CREG2: variants seen among roughly 807,000 people sequenced by gnomAD.
The protein encoded by CREG2 is protein CREG2.
In CREG2, 24 loss-of-function variants were observed where a neutral mutation model predicts 26.2. The observed-to-expected ratio is 0.92, with a 90% CI of 0.66 to 1.29. The LOEUF (loss-of-function observed/expected upper bound fraction) is 1.29. Among genes scored for constraint, CREG2 ranks in the 50% most tolerant of loss-of-function variants. The pLI, the probability that CREG2 is intolerant of heterozygous loss-of-function variation, is 0.00. For missense variants in CREG2, 366 were observed against 398.6 expected (o/e 0.92, Z 0.70); for synonymous variants, 174 against 169.2 (o/e 1.03, Z -0.22).
At chr2:101,354,256 CAATAAAAAATAAA>C (rs1684421419) in intron 3 of CREG2, among the ~76,000 whole-genome samples, 2 of 151,892 alleles carry the variant, frequency 1.3e-5, no homozygotes, top group African/African-American at 4.8e-5. Flanking sequence ...TAAAAGCTAG[CAATAAAAAATAAA>C]AATAAAAAAT....
intron 2 of CREG2, among the ~76,000 whole-genome samples, chr2:101,379,984 T>TATC (rs1684847082): frequency 1.4e-5 from 2 of 147,824 alleles, no homozygotes; most frequent in Non-Finnish European, 2.9e-5. Context: ...TCTATCTATC[T>TATC]ATCTATCTAT....
At chr2:101,351,240 A>AG (rs1308594477) in intron 3 of CREG2, among the ~76,000 whole-genome samples, 170 bp from the exon 4 acceptor site, 1 of 152,208 alleles carries the variant, frequency 6.6e-6, no homozygotes, top group Non-Finnish European at 1.5e-5. Flanking sequence ...CACCGTAGGA[A>AG]GCCAGGGACT....
chr2:101,355,546 C>T (rs1418333320), intron 2 of CREG2, among the ~76,000 whole-genome samples, 180 bp from the exon 3 acceptor site: 1 of 152,078 alleles, frequency 6.6e-6, no homozygotes, highest in African/African-American at 2.4e-5. Context: ...AATACTCAGG[C>T]CTTGCAATAG....
chr2:101,365,964 G>A (rs561455486), intron 2 of CREG2, among the ~76,000 whole-genome samples: 7 of 152,272 alleles, frequency 4.6e-5, no homozygotes, highest in Admixed American at 3.3e-4. Flanking sequence ...CAACCATTGT[G>A]AAATTAGATA....
intron 2 of CREG2, among the ~76,000 whole-genome samples, chr2:101,381,276 G>A (rs9308846): frequency 0.44 from 67,501 of 152,026 alleles, 15,528 homozygotes; most frequent in East Asian, 0.53. Flanking sequence ...CAGATACCTC[G>A]CTATATTCCA....
intron 2 of CREG2, among the ~76,000 whole-genome samples, chr2:101,364,047 G>A (rs1684585025): frequency 6.6e-6 from 1 of 152,208 alleles, no homozygotes; most frequent in South Asian, 2.1e-4. Flanking sequence ...ACCGGGTTGA[G>A]GGGCTCTATC....
chr2:101,370,900 G>C (rs1021572740), intron 2 of CREG2, among the ~76,000 whole-genome samples: 3 of 152,158 alleles, frequency 2.0e-5, no homozygotes, highest in Non-Finnish European at 4.4e-5. Flanking sequence ...GATCCTCTGG[G>C]ACTGAAACGG....
chr2:101,362,693 T>C (rs556743048), intron 2 of CREG2, among the ~76,000 whole-genome samples: 2 of 152,318 alleles, frequency 1.3e-5, no homozygotes, highest in East Asian at 3.9e-4. Flanking sequence ...CTGAAGGACA[T>C]GGGCTGTGCT....
intron 2 of CREG2, among the ~76,000 whole-genome samples, chr2:101,359,818 C>T (rs1684514642): frequency 6.6e-6 from 1 of 152,260 alleles, no homozygotes; most frequent in Admixed American, 6.5e-5. Context: ...CAGCATTATG[C>T]ATCAACCAGA....
At chr2:101,355,588 A>T (rs1220174576) in intron 2 of CREG2, among the ~76,000 whole-genome samples, 2 of 152,040 alleles carry the variant, frequency 1.3e-5, no homozygotes, top group African/African-American at 4.8e-5. Flanking sequence ...ATCAGTCTGC[A>T]TTCTGGGGCA....
At chr2:101,385,181 G>T (rs999800002) in intron 1 of CREG2, among the ~76,000 whole-genome samples, 1 of 152,018 alleles carries the variant, frequency 6.6e-6, no homozygotes, top group East Asian at 1.9e-4. Flanking sequence ...TATTTTATTA[G>T]TATTATTATT....
chr2:101,354,311 C>T (rs1684423065), intron 3 of CREG2, among the ~76,000 whole-genome samples: 1 of 152,158 alleles, frequency 6.6e-6, no homozygotes, highest in South Asian at 2.1e-4. Context: ...CACACGCACA[C>T]TGACATCTGT....
rs13404275 is a variant in CREG2, at chr2:101,379,395, T to C, written c.611+4138A>G. On this transcript the variant is annotated intron_variant, in intron 2 of 3. Coordinates refer to ENST00000324768, the MANE Select transcript of CREG2 (RefSeq NM_153836.4). ...CATTCCTTTCATCATTCTCAAGATA[T>C]TGGCTTCTCACGGCTGTGGTTAAGG... 1.7e-3 allele frequency among the ~76,000 whole-genome samples: 258 copies of C among 152,318 alleles called. 1 individual carries two copies. Among genetic ancestry groups the C allele is most frequent in the African/African-American group, 6.0e-3 (248 of 41,570 alleles).
intron 3 of CREG2, 124 bp from the exon 4 acceptor site, chr2:101,351,194 G>T: frequency 1.1e-6 from 1 of 900,258 alleles, no homozygotes; most frequent in Non-Finnish European, 1.6e-6. Flanking sequence ...ATCAGCCAGA[G>T]GCAGAACCAG....
At chr2:101,386,917 C>A (rs1460608927) in intron 1 of CREG2, 100 bp downstream of exon 1, 4 of 1,164,274 alleles carry the variant, frequency 3.4e-6, no homozygotes, top group Non-Finnish European at 1.1e-6. Context: ...TCTGGTGGAC[C>A]CGGATCTCAG....
chr2:101,378,066 G>C (rs1684817656), intron 2 of CREG2, among the ~76,000 whole-genome samples: 1 of 152,160 alleles, frequency 6.6e-6, no homozygotes, highest in Non-Finnish European at 1.5e-5. Context: ...TAGATCCCCA[G>C]AACGTGTTTG....
rs1684326331 is a variant in CREG2, at chr2:101,347,722, C to G, written c.*3201G>C. The G allele has an allele frequency of 6.6e-6, 1 of 152,076 alleles. No homozygotes were observed. Among genetic ancestry groups the G allele is most frequent in the South Asian group, 2.1e-4 (1 of 4,836 alleles). 9.4% of individuals were successfully genotyped at this position (152,076 alleles called of 1,614,324 possible). A position where few individuals can be genotyped will look rare whatever the true frequency, so the allele number is the denominator to read the frequency against. On this transcript the variant is annotated 3_prime_UTR_variant, in exon 4 of 4. Coordinates refer to ENST00000324768, the MANE Select transcript of CREG2 (RefSeq NM_153836.4). ...TTCTTTATATATTCTAGATACTAAT[C>G]TTTTGTTGGATATGTGGTTTGGAAA...
At chr2:101,361,817 G>T (rs773866869) in intron 2 of CREG2, among the ~76,000 whole-genome samples, 3 of 152,132 alleles carry the variant, frequency 2.0e-5, no homozygotes, top group Non-Finnish European at 4.4e-5. Flanking sequence ...CCCTGAAATG[G>T]CCAGCAAATG....
At chr2:101,382,410 G>T in intron 2 of CREG2, 1 of 822,392 alleles carries the variant, frequency 1.2e-6, no homozygotes, top group Non-Finnish European at 1.4e-6. Context: ...TGGGAAACAA[G>T]AGCGAAACTC....
Sources: allele counts gnomAD v4.1 joint callset (sites outside exome capture counted in the v4.1 genomes callset), GRCh38; gene constraint gnomAD v4.1.1; transcripts MANE v1.5; gene names NCBI Gene and HGNC (gene_info 2026-07-23, HGNC 2026-07-21).